SNTG2: variants seen among roughly 807,000 people sequenced by gnomAD.
SNTG2 encodes syntrophin gamma 2.
Under a neutral mutation model 70.9 loss-of-function variants are expected in SNTG2, and 74 were observed. The ratio of observed to expected loss-of-function variants is 1.04; its 90% confidence interval spans 0.86 to 1.27. The LOEUF is 1.27. Among genes scored for constraint, SNTG2 ranks in the 50% most tolerant of loss-of-function variants. The pLI is 0.00. For missense variants in SNTG2, 717 were observed against 690.7 expected (o/e 1.04, Z -0.43); for synonymous variants, 278 against 273.8 (o/e 1.02, Z -0.15).
Position 1,003,437 on chromosome 2 carries a change from A to G in SNTG2, c.72+52369A>G, listed in dbSNP as rs545022856. Among the ~76,000 whole-genome samples the G allele has an allele frequency of 2.0e-4, 31 of 152,262 alleles. No individual in the cohort carries two copies. The South Asian group carries it at 6.2e-3, about 31-fold the overall frequency. ...AGCGGTGTCAGCCCCCAAACTCTGG[A>G]CCCAGTTGGAGGCTTCCATAATTAA... On this transcript the variant is annotated intron_variant, in intron 1 of 16. Coordinates refer to ENST00000308624, the MANE Select transcript of SNTG2 (RefSeq NM_018968.4).
intron 1 of SNTG2, among the ~76,000 whole-genome samples, chr2:1,007,737 T>G (rs1659613225): frequency 6.6e-6 from 1 of 152,190 alleles, no homozygotes; most frequent in South Asian, 2.1e-4. Flanking sequence ...ATAAACTCAG[T>G]GGACAATATA....
intron 16 of SNTG2, chr2:1,341,091 G>T (rs1398574718): frequency 1.3e-5 from 2 of 152,198 alleles, no homozygotes; most frequent in East Asian, 1.9e-4. Context: ...GCTGCCAAGG[G>T]AGGATGGCAG....
intron 1 of SNTG2, among the ~76,000 whole-genome samples, chr2:981,785 C>G (rs1482477954): frequency 1.3e-5 from 2 of 152,178 alleles, no homozygotes; most frequent in East Asian, 3.8e-4. Context: ...CCCACACTTG[C>G]AAGCAGACAT....
intron 11 of SNTG2, among the ~76,000 whole-genome samples, chr2:1,244,044 G>GA (rs1677232968): frequency 6.6e-6 from 1 of 152,176 alleles, no homozygotes; most frequent in Non-Finnish European, 1.5e-5. Flanking sequence ...GGTGGTGGTG[G>GA]GGGTGGCTGG....
chr2:1,278,955 T>TGTCAGTGCGCGAATCACCC, intron 14 of SNTG2, among the ~76,000 whole-genome samples: 1 of 150,006 alleles, frequency 6.7e-6, no homozygotes, highest in Non-Finnish European at 1.5e-5. Context: ...GAATCACCCC[T>TGTCAGTGCGCGAATCACCC]GTCAGTGCAT....
intron 1 of SNTG2, among the ~76,000 whole-genome samples, chr2:987,866 C>CA (rs1041309915): frequency 2.0e-5 from 3 of 152,106 alleles, no homozygotes; most frequent in African/African-American, 7.2e-5. Context: ...GAAGGCCGCG[C>CA]AGCCTTGCCC....
At chr2:974,586 G>C (rs1166141217) in intron 1 of SNTG2, among the ~76,000 whole-genome samples, 3 of 152,174 alleles carry the variant, frequency 2.0e-5, no homozygotes, top group African/African-American at 7.2e-5. Context: ...GAGGGAGGGA[G>C]ATTTTCTGAA....
chr2:1,002,104 A>C (rs998809165), intron 1 of SNTG2, among the ~76,000 whole-genome samples: 5 of 152,156 alleles, frequency 3.3e-5, no homozygotes, highest in Non-Finnish European at 1.5e-5. Flanking sequence ...CCATATACGA[A>C]AGTTAACTCA....
chr2:1,266,546 G>A (rs900041656), intron 13 of SNTG2, among the ~76,000 whole-genome samples: 5 of 152,124 alleles, frequency 3.3e-5, no homozygotes, highest in African/African-American at 9.7e-5. Flanking sequence ...TGGGTGGCCG[G>A]GTGCCTTGTC....
chr2:1,031,528 A>ATATATATATATAT, intron 1 of SNTG2, among the ~76,000 whole-genome samples: 1 of 59,142 alleles, frequency 1.7e-5, no homozygotes, highest in South Asian at 5.8e-4. Context: ...ATATATATAT[A>ATATATATATATAT]TTTTTTTTTT....
intron 12 of SNTG2, among the ~76,000 whole-genome samples, chr2:1,255,292 A>C (rs1236395549): frequency 6.6e-6 from 1 of 152,132 alleles, no homozygotes; most frequent in Non-Finnish European, 1.5e-5. Flanking sequence ...TTTCCTTTTA[A>C]AAGGTGTCAG....
At chr2:1,059,491 T>C (rs571050440) in intron 1 of SNTG2, 136 of 152,352 alleles carry the variant, frequency 8.9e-4, no homozygotes, top group African/African-American at 3.2e-3. Flanking sequence ...GTTCTGAGAT[T>C]CTAATGGAAA....
chr2:1,200,317 G>T (rs1673197135), intron 8 of SNTG2, among the ~76,000 whole-genome samples: 2 of 151,948 alleles, frequency 1.3e-5, no homozygotes, highest in Admixed American at 1.3e-4. Flanking sequence ...ATATTCATCT[G>T]CAGAAAAATG....
intron 1 of SNTG2, among the ~76,000 whole-genome samples, chr2:1,071,200 ACG>A (rs1407504903): frequency 1.2e-4 from 19 of 152,038 alleles, no homozygotes; most frequent in African/African-American, 4.6e-4. Context: ...ACACATGCAC[ACG>A]TATGTTTATT....
At chr2:1,125,257 AGC>A (rs1223778784) in intron 4 of SNTG2, among the ~76,000 whole-genome samples, 9 of 152,320 alleles carry the variant, frequency 5.9e-5, no homozygotes, top group East Asian at 1.9e-4. Flanking sequence ...TTTCTTGCAT[AGC>A]ATATTTATTT....
intron 4 of SNTG2, among the ~76,000 whole-genome samples, chr2:1,110,007 G>A (rs1394977255): frequency 6.6e-6 from 1 of 152,170 alleles, no homozygotes; most frequent in African/African-American, 2.4e-5. Flanking sequence ...AGCTACAGTG[G>A]GAATGTCAGG....
At position 1,180,464 on chromosome 2, in the gene SNTG2, A is replaced by G. The variant is rs1364308987; in HGVS notation, c.591+7281A>G. Among the ~76,000 whole-genome samples, 3 of 132,920 alleles carry G rather than the reference A, an allele frequency of 2.3e-5. 1 individual carries two copies. Among genetic ancestry groups the G allele is most frequent in the Admixed American group, 8.3e-5 (1 of 11,994 alleles). The allele number at this position is 132,920 out of a possible 152,430, so 87.2% of individuals were successfully genotyped here. ...TTTATGCAGCCAAAAAACACATGAAAAAATGCTCATCATCACTGGCCATCA... is the reference window on the plus strand; with the variant it reads ...TTTATGCAGCCAAAAAACACATGAAGAAATGCTCATCATCACTGGCCATCA... On this transcript the variant is annotated intron_variant, in intron 8 of 16. Transcript: ENST00000308624.
intron 16 of SNTG2, among the ~76,000 whole-genome samples, chr2:1,319,788 C>A (rs1377309473): frequency 1.3e-5 from 2 of 152,198 alleles, no homozygotes; most frequent in Non-Finnish European, 2.9e-5. Flanking sequence ...GTCACCTTCA[C>A]ACACTGAGGT....
chr2:1,173,670 C>T (rs1478178459), intron 8 of SNTG2, among the ~76,000 whole-genome samples: 1 of 152,262 alleles, frequency 6.6e-6, no homozygotes, highest in African/African-American at 2.4e-5. Flanking sequence ...GGGGCTCCCG[C>T]CCTCCTCCCT....
Sources: allele counts gnomAD v4.1 joint callset (sites outside exome capture counted in the v4.1 genomes callset), GRCh38; gene constraint gnomAD v4.1.1; transcripts MANE v1.5; gene names NCBI Gene and HGNC (gene_info 2026-07-23, HGNC 2026-07-21).